The following CACNA2D4 variants were observed in gnomAD, a reference collection of about 807,000 sequenced individuals.
The protein encoded by CACNA2D4 is calcium voltage-gated channel auxiliary subunit alpha2delta 4, also known as voltage-dependent calcium channel subunit alpha-2/delta-4.
A neutral mutation model predicts 163.8 loss-of-function variants in CACNA2D4; 157 were observed. That is an observed-to-expected ratio of 0.96 (90% CI 0.84 to 1.09). The LOEUF is 1.09. Among genes scored for constraint, CACNA2D4 ranks in the 50% least tolerant of loss-of-function variants. The pLI is 0.00. For synonymous variants in CACNA2D4, 598 were observed against 586.9 expected, an observed-to-expected ratio of 1.02 and a Z score of -0.27; for missense variants, 1,410 against 1,479.9, an observed-to-expected ratio of 0.95 and a Z score of 0.78.
At chr12:1,853,257 A>G (rs1865326226) in intron 23 of CACNA2D4, among the ~76,000 whole-genome samples, 1 of 152,242 alleles carries the variant, frequency 6.6e-6, no homozygotes, top group Non-Finnish European at 1.5e-5. Context: ...AGCGTACTAT[A>G]CTATGTAGAA....
chr12:1,888,561 A>G (rs1866206533), intron 6 of CACNA2D4, among the ~76,000 whole-genome samples: 1 of 152,242 alleles, frequency 6.6e-6, no homozygotes, highest in Non-Finnish European at 1.5e-5. Flanking sequence ...CATAATACAA[A>G]GAACATACAA....
chr12:1,797,374 G>A (rs771701446), intron 35 of CACNA2D4, 44 bp downstream of exon 35: 2 of 1,381,212 alleles, frequency 1.4e-6, no homozygotes, highest in African/African-American at 2.9e-5. Flanking sequence ...TGCCGAGGGC[G>A]GGAGGAGTGT....
Position 1,874,778 on chromosome 12 carries a change from T to C in CACNA2D4, c.1807-103A>G. Reference sequence around the variant, plus strand: ...TAGAGGTGATCCCCAGAAACACTTTTGGTTCTTCCCTTTTTCCTCTGAGAG... The same window carrying C: ...TAGAGGTGATCCCCAGAAACACTTTCGGTTCTTCCCTTTTTCCTCTGAGAG... On this transcript the variant is annotated intron_variant, in intron 17 of 37. Transcript: ENST00000382722. The surrounding 1 kb of genome is among the most constrained non-coding windows in gnomAD (Gnocchi z 4.4). The C allele has an allele frequency of 1.2e-6, 1 of 848,258 alleles. No homozygotes were observed. Among genetic ancestry groups the C allele is most frequent in the South Asian group, 1.4e-5 (1 of 70,114 alleles). 52.5% of individuals were successfully genotyped at this position (848,258 alleles called of 1,614,324 possible). A position where few individuals can be genotyped will look rare whatever the true frequency, so the allele number is the denominator to read the frequency against.
chr12:1,802,418 G>T lies in CACNA2D4; in HGVS notation c.2722-774C>A, dbSNP rs558147472. ...CCCTCCTGCCCCCGGCTCCCCTTTTGTTGTCCATCAGCCAGCACTTTGTGG... is the reference window on the plus strand; with the variant it reads ...CCCTCCTGCCCCCGGCTCCCCTTTTTTTGTCCATCAGCCAGCACTTTGTGG... On this transcript the variant is annotated intron_variant, in intron 29 of 37. Transcript: ENST00000382722. This position sits in a 1 kb window ranked among gnomAD's most constrained non-coding sequence, Gnocchi z 4.7. Among the ~76,000 whole-genome samples the T allele has an allele frequency of 6.6e-6, 1 of 152,198 alleles. No homozygotes were observed. Among genetic ancestry groups the T allele is most frequent in the East Asian group, 1.9e-4 (1 of 5,174 alleles).
intron 37 of CACNA2D4, among the ~76,000 whole-genome samples, chr12:1,794,279 C>A (rs540721133): frequency 6.6e-6 from 1 of 152,202 alleles, no homozygotes; most frequent in South Asian, 2.1e-4. Context: ...GTTAAAGCAC[C>A]TTGGGATCCT....
In CACNA2D4 at chr12:1,792,381, T is replaced by C. The variant is rs1218184505; in HGVS notation, c.*1274A>G. ...CTACTCTAGAGGCAAGTTAGGGCTA[T>C]TTGCTGGTAGGAAACTTGAACAGCT... On this transcript the variant is annotated 3_prime_UTR_variant, in exon 38 of 38. Transcript: ENST00000382722. The C allele has an allele frequency of 1.3e-5, 2 of 152,238 alleles. No homozygotes were observed. Among genetic ancestry groups the C allele is most frequent in the Non-Finnish European group, 2.9e-5 (2 of 68,044 alleles). The allele number at this position is 152,238 out of a possible 1,614,324, so 9.4% of individuals were successfully genotyped here. A position where few individuals can be genotyped will look rare whatever the true frequency, so the allele number is the denominator to read the frequency against.
intron 18 of CACNA2D4, among the ~76,000 whole-genome samples, chr12:1,870,671 G>C (rs749626442): frequency 4.6e-5 from 7 of 151,934 alleles, no homozygotes; most frequent in Non-Finnish European, 5.9e-5. Context: ...GCTGAAGGGT[G>C]AGTCTAGTCA....
rs1322662616 is a variant in CACNA2D4, at chr12:1,834,414, G to A, written c.2551+6325C>T. The A allele has an allele frequency of 1.2e-6, 2 of 1,612,972 alleles. No individual in the cohort carries two copies. Among genetic ancestry groups the A allele is most frequent in the South Asian group, 1.1e-5 (1 of 91,076 alleles). On this transcript the variant is annotated intron_variant, in intron 26 of 37. Coordinates refer to ENST00000382722, the MANE Select transcript of CACNA2D4 (RefSeq NM_172364.5). The surrounding 1 kb of genome is among the most constrained non-coding windows in gnomAD (Gnocchi z 7.6). ...GGGCTGGATATTCCTGGGCCACCCTGCACCAAGGCCAGTCCAGAGCCTGCT... is the reference window on the plus strand; with the variant it reads ...GGGCTGGATATTCCTGGGCCACCCTACACCAAGGCCAGTCCAGAGCCTGCT...
chr12:1,796,538 C>T (rs1863132925), intron 35 of CACNA2D4, among the ~76,000 whole-genome samples: 1 of 152,224 alleles, frequency 6.6e-6, no homozygotes, highest in African/African-American at 2.4e-5. Flanking sequence ...ACTCCGGAGC[C>T]CGCTGGCTCT....
At chr12:1,797,278 G>A in intron 35 of CACNA2D4, 140 bp downstream of exon 35, 1 of 670,308 alleles carries the variant, frequency 1.5e-6, no homozygotes, top group Non-Finnish European at 2.6e-6. Context: ...CCCCGGGAGC[G>A]TGGGCTCTGC....
At chr12:1,876,687 C>CTCTTTCCCTCCTTTCCCA (rs1780372867) in intron 16 of CACNA2D4, among the ~76,000 whole-genome samples, 2 of 152,290 alleles carry the variant, frequency 1.3e-5, no homozygotes, top group African/African-American at 2.4e-5. Context: ...CCCCTTTCCC[C>CTCTTTCCCTCCTTTCCCA]TCTTTCCCTC....
intron 23 of CACNA2D4, among the ~76,000 whole-genome samples, chr12:1,849,532 G>T (rs1865227972): frequency 6.6e-6 from 1 of 152,276 alleles, no homozygotes; most frequent in East Asian, 1.9e-4. Context: ...GCTAGGTTTA[G>T]CTGTTTCATT....
chr12:1,797,360 G>A, intron 35 of CACNA2D4, 58 bp downstream of exon 35: 1 of 1,306,296 alleles, frequency 7.7e-7, no homozygotes, highest in Non-Finnish European at 1.1e-6. Context: ...CCGCACTTCC[G>A]CCTTGCCGAG....
Position 1,840,720 on chromosome 12 carries a change from C to T in CACNA2D4, c.2551+19G>A. 6.2e-7 allele frequency: 1 copy of T among 1,609,698 alleles called. No homozygotes were observed. The highest frequency in any genetic ancestry group is 8.5e-7 in the Non-Finnish European group (1 of 1,176,244). On this transcript the variant is annotated intron_variant, in intron 26 of 37. Coordinates refer to ENST00000382722, the MANE Select transcript of CACNA2D4 (RefSeq NM_172364.5). ...TGTCCCCAGCTTCCTGGCCTCAACA[C>T]CACAAGGGCCGTTCCTACCTGCAGC...
chr12:1,868,285 AAGG>A (rs1414824844), intron 18 of CACNA2D4, among the ~76,000 whole-genome samples: 1 of 152,220 alleles, frequency 6.6e-6, no homozygotes, highest in African/African-American at 2.4e-5. Context: ...CTTAACAAAG[AAGG>A]AGATTCTGCC....
intron 18 of CACNA2D4, among the ~76,000 whole-genome samples, chr12:1,862,028 C>T (rs541233929): frequency 9.2e-5 from 14 of 152,350 alleles, no homozygotes; most frequent in African/African-American, 3.4e-4. Context: ...TTTTCAGCGT[C>T]CGTCTATATT....
In CACNA2D4 at chr12:1,918,542, C is replaced by G. The variant is rs928753099; in HGVS notation, c.-69G>C. 1.2e-5 allele frequency: 15 copies of G among 1,261,572 alleles called. No homozygotes were observed. Among genetic ancestry groups the G allele is most frequent in the Admixed American group, 1.2e-4 (5 of 42,250 alleles). The allele number at this position is 1,261,572 out of a possible 1,614,324, so 78.1% of individuals were successfully genotyped here. A position where few individuals can be genotyped will look rare whatever the true frequency, so the allele number is the denominator to read the frequency against. On this transcript the variant is annotated 5_prime_UTR_variant, in exon 1 of 38. Transcript: ENST00000382722. ...CTTTGTCTTCCGTGCCTTGGCGAGC[C>G]TGGGGTCTCCAGCCTCTCAGTCCTG...
At chr12:1,870,890 A>C (rs1232102372) in intron 18 of CACNA2D4, among the ~76,000 whole-genome samples, 1 of 152,166 alleles carries the variant, frequency 6.6e-6, no homozygotes, top group Non-Finnish European at 1.5e-5. Context: ...CCGGACAAAA[A>C]TGTGAGGGGA....
intron 18 of CACNA2D4, among the ~76,000 whole-genome samples, chr12:1,864,162 A>C (rs1458982078): frequency 2.0e-5 from 3 of 152,196 alleles, no homozygotes; most frequent in Non-Finnish European, 2.9e-5. Flanking sequence ...TTTCATGAGC[A>C]TGTCAGCCTA....
Sources: allele counts gnomAD v4.1 joint callset (sites outside exome capture counted in the v4.1 genomes callset), GRCh38; gene constraint gnomAD v4.1.1; non-coding constraint Gnocchi (gnomAD v3.1); transcripts MANE v1.5; gene names NCBI Gene and HGNC (gene_info 2026-07-23, HGNC 2026-07-21).